Variants in GALNTL6 observed in about 807,000 individuals in gnomAD.
GALNTL6 encodes the protein polypeptide N-acetylgalactosaminyltransferase-like 6.
In GALNTL6, 46 loss-of-function variants were observed where a neutral mutation model predicts 73.7. That is an observed-to-expected ratio of 0.62 (90% CI 0.49 to 0.80). GALNTL6 has a LOEUF of 0.80. Among genes scored for constraint, GALNTL6 ranks in the 30% least tolerant of loss-of-function variants. GALNTL6 has a pLI of 0.00. For synonymous variants in GALNTL6, 259 were observed against 263.7 expected, an observed-to-expected ratio of 0.98 and a Z score of 0.17; for missense variants, 604 against 755.0, an observed-to-expected ratio of 0.80 and a Z score of 2.34.
intron 3 of GALNTL6, among the ~76,000 whole-genome samples, chr4:172,246,753 A>C (rs1029907517): frequency 6.6e-6 from 1 of 150,694 alleles, no homozygotes; most frequent in Non-Finnish European, 1.5e-5. Context: ...CATGAGAACA[A>C]ATTCAGAAAA....
chr4:172,929,249 C>A (rs530872639), intron 8 of GALNTL6, among the ~76,000 whole-genome samples: 1 of 152,298 alleles, frequency 6.6e-6, no homozygotes, highest in South Asian at 2.1e-4. Context: ...TGCACTTATT[C>A]CTTCCTGGAC....
At chr4:172,648,074 C>G (rs560249454) in intron 5 of GALNTL6, among the ~76,000 whole-genome samples, 9 of 152,160 alleles carry the variant, frequency 5.9e-5, no homozygotes, top group African/African-American at 2.2e-4. Flanking sequence ...GGTGTGGGCT[C>G]CGGCATGGGT....
chr4:171,844,434 A>G (rs1244516710), intron 2 of GALNTL6, among the ~76,000 whole-genome samples: 4 of 152,252 alleles, frequency 2.6e-5, no homozygotes, highest in East Asian at 1.9e-4. Flanking sequence ...GGTAGTTTTG[A>G]TGTCTGCCAA....
At chr4:172,487,929 A>G (rs1733757234) in intron 5 of GALNTL6, among the ~76,000 whole-genome samples, 1 of 152,218 alleles carries the variant, frequency 6.6e-6, no homozygotes, top group African/African-American at 2.4e-5. Context: ...TTTAAAATGC[A>G]GCAGAGAATA....
intron 5 of GALNTL6, among the ~76,000 whole-genome samples, chr4:172,547,886 C>T (rs1339084270): frequency 1.3e-5 from 2 of 152,138 alleles, no homozygotes; most frequent in Non-Finnish European, 2.9e-5. Context: ...TCTCAAGTGG[C>T]CTTGCTTCTG....
intron 5 of GALNTL6, among the ~76,000 whole-genome samples, chr4:172,488,709 G>A (rs1733784040): frequency 6.6e-6 from 1 of 152,136 alleles, no homozygotes; most frequent in African/African-American, 2.4e-5. Context: ...TCAATTCAGT[G>A]AGAAGGGACA....
intron 3 of GALNTL6, among the ~76,000 whole-genome samples, chr4:172,236,421 A>G (rs2110982125): frequency 6.6e-6 from 1 of 152,170 alleles, no homozygotes; most frequent in South Asian, 2.1e-4. Context: ...TTAGCCAGGC[A>G]TGGTGGCAGG....
At chr4:171,878,050 G>T (rs1168596426) in intron 2 of GALNTL6, among the ~76,000 whole-genome samples, 1 of 152,180 alleles carries the variant, frequency 6.6e-6, no homozygotes, top group Admixed American at 6.6e-5. Context: ...ATGAGATACA[G>T]TGGAACTGTT....
intron 5 of GALNTL6, among the ~76,000 whole-genome samples, chr4:172,708,892 T>A (rs1245821783): frequency 6.6e-6 from 1 of 152,208 alleles, no homozygotes; most frequent in Non-Finnish European, 1.5e-5. Context: ...TGTGCATTTG[T>A]TATTTGAGAT....
intron 5 of GALNTL6, among the ~76,000 whole-genome samples, chr4:172,557,022 C>T (rs755795440): frequency 4.8e-4 from 73 of 152,046 alleles, no homozygotes; most frequent in Non-Finnish European, 1.0e-3. Flanking sequence ...AACTGTTCTC[C>T]ACAGAACATG....
rs201194683 is a variant in GALNTL6 at position 172,338,458 on chromosome 4, A to T, written c.387-10065A>T. 1.0e-3 allele frequency among the ~76,000 whole-genome samples: 150 copies of T among 150,468 alleles called. 2 individuals carry two copies. The South Asian group carries it at 0.016, about 16-fold the overall frequency. On this transcript the variant is annotated intron_variant, in intron 4 of 12. Coordinates refer to ENST00000506823, the MANE Select transcript of GALNTL6 (RefSeq NM_001034845.3). The stretch of plus-strand genomic sequence containing the variant: ...TTTTCTCTCTTTCCCTATAATGTTG[A>T]TTTCTGTTCTTTCCCTCTACCCCCT...
intron 10 of GALNTL6, among the ~76,000 whole-genome samples, chr4:172,978,122 TGA>T (rs1411587699): frequency 6.6e-6 from 1 of 152,120 alleles, no homozygotes. Flanking sequence ...ATTATATGTG[TGA>T]GTGTGGTTTT....
chr4:172,333,423 A>G (rs995518084), intron 4 of GALNTL6, among the ~76,000 whole-genome samples: 1 of 152,112 alleles, frequency 6.6e-6, no homozygotes, highest in Non-Finnish European at 1.5e-5. Flanking sequence ...AAAAATAAAA[A>G]CAAAACAAAA....
At chr4:171,970,519 A>G (rs1213692296) in intron 2 of GALNTL6, among the ~76,000 whole-genome samples, 2 of 152,216 alleles carry the variant, frequency 1.3e-5, no homozygotes, top group Non-Finnish European at 2.9e-5. Flanking sequence ...ATTTCATATC[A>G]GTTTTCAAGA....
intron 5 of GALNTL6, among the ~76,000 whole-genome samples, chr4:172,723,907 T>A (rs2111366987): frequency 6.6e-6 from 1 of 152,228 alleles, no homozygotes; most frequent in African/African-American, 2.4e-5. Context: ...CTGTACAGGT[T>A]CACTGATATG....
intron 2 of GALNTL6, among the ~76,000 whole-genome samples, chr4:172,080,895 C>T (rs1039626): frequency 0.093 from 14,105 of 151,946 alleles, 802 homozygotes; most frequent in East Asian, 0.24. Flanking sequence ...GTTGCACACT[C>T]TTCATCTGGC....
At chr4:172,285,672 C>G (rs1739220197) in intron 3 of GALNTL6, among the ~76,000 whole-genome samples, 1 of 152,104 alleles carries the variant, frequency 6.6e-6, no homozygotes, top group Non-Finnish European at 1.5e-5. Context: ...CCTGAATCAC[C>G]CAGCCTCCGC....
At chr4:172,148,297 G>A (rs1206650162) in intron 2 of GALNTL6, among the ~76,000 whole-genome samples, 5 of 151,966 alleles carry the variant, frequency 3.3e-5, no homozygotes, top group South Asian at 4.1e-4. Context: ...GTTTTCATAC[G>A]CAGTTGTGGT....
At chr4:172,009,670 T>A (rs1042405671) in intron 2 of GALNTL6, among the ~76,000 whole-genome samples, 1 of 152,126 alleles carries the variant, frequency 6.6e-6, no homozygotes, top group African/African-American at 2.4e-5. Context: ...TGTTTTACAT[T>A]CCTGCTTCTG....
Sources: allele counts gnomAD v4.1 joint callset (sites outside exome capture counted in the v4.1 genomes callset), GRCh38; gene constraint gnomAD v4.1.1; transcripts MANE v1.5; gene names NCBI Gene and HGNC (gene_info 2026-07-23, HGNC 2026-07-21).